The following MGAM variants were observed in gnomAD, a reference collection of about 807,000 sequenced individuals.
MGAM encodes maltase-glucoamylase.
MGAM carries 253 observed loss-of-function variants against 358.8 expected under a neutral mutation model. The observed-to-expected ratio is 0.71, with a 90% CI of 0.64 to 0.78. The LOEUF is 0.78. Ranked by LOEUF, MGAM falls within the 30% of genes least tolerant of loss-of-function variation. The probability of loss-of-function intolerance (pLI) is 0.00; values close to 1 mark genes in which losing one functional copy is unlikely to be tolerated. For missense variants in MGAM, 3,080 were observed against 3,432.6 expected (o/e 0.90, Z 2.57); for synonymous variants, 1,105 against 1,227.1 (o/e 0.90, Z 2.08).
At chr7:142,103,130 T>C in intron 69 of MGAM, 139 bp from the exon 70 acceptor site, 1 of 763,888 alleles carries the variant, frequency 1.3e-6, no homozygotes, top group Non-Finnish European at 2.1e-6. Context: ...GATGAAATCA[T>C]GATTTCCATG....
chr7:142,014,389 A>G (rs1554455343), intron 3 of MGAM, among the ~76,000 whole-genome samples: 1 of 152,192 alleles, frequency 6.6e-6, no homozygotes, highest in East Asian at 1.9e-4. Context: ...ACTTGATAAA[A>G]GATAGGGAGT....
Position 142,027,860 on chromosome 7 carries a change from G to T in MGAM, c.1221+125G>T, listed in dbSNP as rs529438790. On this transcript the variant is annotated intron_variant, in intron 10 of 70. Coordinates refer to ENST00000475668, the MANE Select transcript of MGAM (RefSeq NM_001365693.1). ...TTATTTGGTAATGAAAGGAGTTTTA[G>T]ATATTCAGAATACTAGACATTTTTT... 58 of 1,108,626 alleles carry T rather than the reference G, an allele frequency of 5.2e-5. 1 individual carries two copies. The Middle Eastern group carries it at 1.1e-3, about 22-fold the overall frequency. 68.7% of individuals were successfully genotyped at this position (1,108,626 alleles called of 1,614,324 possible).
At chr7:141,997,070 G>T (rs965168532) in intron 1 of MGAM, among the ~76,000 whole-genome samples, 11 of 152,172 alleles carry the variant, frequency 7.2e-5, no homozygotes, top group African/African-American at 2.7e-4. Context: ...CTAGACACAC[G>T]CAGGCATTTC....
At chr7:142,096,090 A>G in intron 64 of MGAM, 1 of 603,522 alleles carries the variant, frequency 1.7e-6, no homozygotes, top group Non-Finnish European at 3.0e-6. Flanking sequence ...ATGGTTGAGA[A>G]ATGGGGCAAG....
At position 142,045,177 on chromosome 7, in the gene MGAM, TA is replaced by T. The variant is rs1484009289; in HGVS notation, c.2499-2606del. Among the ~76,000 whole-genome samples, 144 of 80,872 alleles carry T rather than the reference TA, an allele frequency of 1.8e-3. 11 individuals carry two copies. The highest frequency in any genetic ancestry group is 0.032 in the Middle Eastern group (2 of 62). 53.1% of individuals were successfully genotyped at this position (80,872 alleles called of 152,430 possible). On this transcript the variant is annotated intron_variant, in intron 21 of 70. Coordinates refer to ENST00000475668, the MANE Select transcript of MGAM (RefSeq NM_001365693.1). ...TGTGATATATAATATATATATTATA[TA>T]ACATATATGATATATAATATATATT...
chr7:142,104,457 G>T (rs1331543252), intron 70 of MGAM, among the ~76,000 whole-genome samples: 1 of 152,078 alleles, frequency 6.6e-6, no homozygotes, highest in African/African-American at 2.4e-5. Context: ...AATTGGTTAA[G>T]ATATTTCCTC....
chr7:142,084,407 C>A lies in MGAM; in HGVS notation c.6382-112C>A, dbSNP rs529857817. The A allele has an allele frequency of 5.2e-3, 6,373 of 1,236,630 alleles. 659 individuals are homozygous for A. The highest frequency in any genetic ancestry group is 6.8e-3 in the Non-Finnish European group (5,989 of 878,610). The allele number at this position is 1,236,630 out of a possible 1,614,324, so 76.6% of individuals were successfully genotyped here. A position where few individuals can be genotyped will look rare whatever the true frequency, so the allele number is the denominator to read the frequency against. On this transcript the variant is annotated intron_variant, in intron 53 of 70. Coordinates refer to ENST00000475668, the MANE Select transcript of MGAM (RefSeq NM_001365693.1). ...ATCCTGTCAGTTTTGATGTGGAATT[C>A]AATTAGTTAGTTGTCTAGCTTGGGG...
Position 142,004,020 on chromosome 7 carries a change from T to G in MGAM, c.-2-1509T>G, listed in dbSNP as rs139289935. ...TATCTTACACTGGTCAGAATGGCTA[T>G]TATTGAAAAGTCAAAAAACAACACA... On this transcript the variant is annotated intron_variant, in intron 1 of 70. Transcript: ENST00000475668. Among the ~76,000 whole-genome samples, 8 of 152,042 alleles carry G rather than the reference T, an allele frequency of 5.3e-5. No homozygotes were observed. In the East Asian group the frequency reaches 1.5e-3, roughly 29 times the overall value.
intron 6 of MGAM, 95 bp from the exon 7 acceptor site, chr7:142,022,173 T>C (rs782432149): frequency 1.7e-6 from 2 of 1,166,234 alleles, no homozygotes; most frequent in Non-Finnish European, 2.4e-6. Context: ...ATGGGGGCTA[T>C]TGAGTCACTG....
intron 33 of MGAM, 32 bp from the exon 34 acceptor site, chr7:142,060,279 T>A (rs746810389): frequency 2.0e-5 from 32 of 1,608,086 alleles, no homozygotes; most frequent in Non-Finnish European, 2.7e-5. Context: ...AATTGTCTAG[T>A]GCATCGCTAC....
chr7:141,990,993 T>C (rs1803919808), upstream of MGAM, among the ~76,000 whole-genome samples: 2 of 152,222 alleles, frequency 1.3e-5, no homozygotes, highest in African/African-American at 4.8e-5. Flanking sequence ...TATGAGGTCA[T>C]GGAGGAATCA....
At chr7:142,023,052 T>G (rs1806610228) in intron 7 of MGAM, among the ~76,000 whole-genome samples, 1 of 152,098 alleles carries the variant, frequency 6.6e-6, no homozygotes, top group Admixed American at 6.6e-5. Flanking sequence ...AGGGCCTTTC[T>G]TTTTCTTTTC....
chr7:142,000,826 C>T (rs1804674398), intron 1 of MGAM, among the ~76,000 whole-genome samples: 2 of 152,092 alleles, frequency 1.3e-5, no homozygotes, highest in South Asian at 4.1e-4. Context: ...TTTACCAAGT[C>T]TTCATTGAGC....
At chr7:142,041,847 A>C (rs2129012592) in intron 21 of MGAM, among the ~76,000 whole-genome samples, 2 of 127,074 alleles carry the variant, frequency 1.6e-5, no homozygotes, top group South Asian at 2.3e-4. Flanking sequence ...GCCACTTTCA[A>C]GTTTCTGGTC....
intron 2 of MGAM, among the ~76,000 whole-genome samples, chr7:141,989,842 T>C (rs1803868283): frequency 1.3e-5 from 2 of 152,240 alleles, no homozygotes; most frequent in Non-Finnish European, 2.9e-5. Flanking sequence ...GACAATTTCA[T>C]ACTAAAGGGA....
chr7:142,092,739 C>T, intron 59 of MGAM, 131 bp downstream of exon 59: 1 of 896,436 alleles, frequency 1.1e-6, no homozygotes, highest in Non-Finnish European at 1.7e-6. Flanking sequence ...TACTGGGGAC[C>T]AGAGACAAAA....
rs1196312592 is a variant in MGAM, at chr7:142,078,486, G to A, written c.5646+16G>A. The A allele has an allele frequency of 6.5e-7, 1 of 1,529,266 alleles. No individual in the cohort carries two copies. Among genetic ancestry groups the A allele is most frequent in the Admixed American group, 1.8e-5 (1 of 54,994 alleles). 94.7% of individuals were successfully genotyped at this position (1,529,266 alleles called of 1,614,324 possible). A position where few individuals can be genotyped will look rare whatever the true frequency, so the allele number is the denominator to read the frequency against. The stretch of plus-strand genomic sequence containing the variant: ...TATCTGGGAGGTAACCATGCTGATG[G>A]GGTTCATGTGCATGAAAATCTCCAC... On this transcript the variant is annotated intron_variant, in intron 48 of 70. Coordinates refer to ENST00000475668, the MANE Select transcript of MGAM (RefSeq NM_001365693.1).
intron 1 of MGAM, among the ~76,000 whole-genome samples, chr7:142,002,285 A>G (rs1554450896): frequency 6.6e-6 from 1 of 152,158 alleles, no homozygotes; most frequent in Non-Finnish European, 1.5e-5. Context: ...AAAACTACAG[A>G]CCAATATCCC....
chr7:142,019,104 A>T lies in MGAM; in HGVS notation c.328-95A>T. 17 of 1,351,656 alleles carry T rather than the reference A, an allele frequency of 1.3e-5. No homozygotes were observed. In the South Asian group the frequency reaches 2.1e-4, roughly 17 times the overall value. The allele number at this position is 1,351,656 out of a possible 1,614,324, so 83.7% of individuals were successfully genotyped here. A position where few individuals can be genotyped will look rare whatever the true frequency, so the allele number is the denominator to read the frequency against. ...GTTTCCTTATTTGTAAAATGAAATT[A>T]TTCATACCAGAGTCTCAAATTAGAT... On this transcript the variant is annotated intron_variant, in intron 3 of 70. Coordinates refer to ENST00000475668, the MANE Select transcript of MGAM (RefSeq NM_001365693.1).
Sources: allele counts gnomAD v4.1 joint callset (sites outside exome capture counted in the v4.1 genomes callset), GRCh38; gene constraint gnomAD v4.1.1; transcripts MANE v1.5; gene names NCBI Gene and HGNC (gene_info 2026-07-23, HGNC 2026-07-21).